SH3RF3: variants seen among roughly 807,000 people sequenced by gnomAD.
The protein encoded by SH3RF3 is E3 ubiquitin-protein ligase SH3RF3.
SH3RF3 carries 29 observed loss-of-function variants against 66.3 expected under a neutral mutation model. The ratio of observed to expected loss-of-function variants is 0.44; its 90% CI spans 0.33 to 0.60. The LOEUF is 0.60. Ranked by LOEUF, SH3RF3 falls within the 20% of genes least tolerant of loss-of-function variation. SH3RF3 has a pLI of 0.04. For synonymous variants in SH3RF3, 583 were observed against 532.0 expected (o/e 1.10, Z -1.32); for missense variants, 1,194 against 1,190.9 (o/e 1.00, Z -0.04).
rs144725898 is a variant in SH3RF3 at position 109,498,171 on chromosome 2, C to G, written c.2481-3332C>G. On this transcript the variant is annotated intron_variant, in intron 9 of 9. Transcript: ENST00000309415. ...CCCTCCTTCCTTCCCGCCTGCATGT[C>G]CCTGAGAGCAGAGTCTGGTTCGCCG... 4.5e-3 allele frequency among the ~76,000 whole-genome samples: 684 copies of G among 152,304 alleles called. 5 individuals are homozygous for G. The highest frequency in any genetic ancestry group is 0.015 in the African/African-American group (644 of 41,574).
chr2:109,290,871 T>C (rs1159239030), intron 1 of SH3RF3, among the ~76,000 whole-genome samples: 2 of 152,262 alleles, frequency 1.3e-5, no homozygotes, highest in Non-Finnish European at 2.9e-5. Flanking sequence ...ATTATTTTTA[T>C]TCTTCATGTA....
chr2:109,191,018 G>A (rs1363578970), intron 1 of SH3RF3, among the ~76,000 whole-genome samples: 1 of 151,950 alleles, frequency 6.6e-6, no homozygotes, highest in Admixed American at 6.6e-5. Context: ...TAAAGGGCCA[G>A]AGAGTAAATA....
intron 1 of SH3RF3, among the ~76,000 whole-genome samples, chr2:109,243,166 A>G (rs1206459132): frequency 6.6e-6 from 1 of 152,234 alleles, no homozygotes; most frequent in Non-Finnish European, 1.5e-5. Context: ...GGTGTCTTGT[A>G]AGGGCTGAGG....
At chr2:109,365,759 G>A (rs1411070621) in intron 2 of SH3RF3, among the ~76,000 whole-genome samples, 1 of 152,154 alleles carries the variant, frequency 6.6e-6, no homozygotes, top group Non-Finnish European at 1.5e-5. Context: ...ATGGAGAAAT[G>A]TACAATTTGC....
Position 109,283,978 on chromosome 2 carries a change from G to A in SH3RF3, c.574-63696G>A, listed in dbSNP as rs544950340. On this transcript the variant is annotated intron_variant, in intron 1 of 9. Transcript: ENST00000309415. ...CCCTCCTGTCCCCACACCTCTGCCC[G>A]TGGGTGTTTTTCCAGGAGAGCTTGC... Among the ~76,000 whole-genome samples, 14 of 152,306 alleles carry A rather than the reference G, an allele frequency of 9.2e-5. No homozygotes were observed. The South Asian group carries it at 2.5e-3, about 27-fold the overall frequency.
intron 1 of SH3RF3, among the ~76,000 whole-genome samples, chr2:109,294,983 G>A (rs909363603): frequency 1.3e-5 from 2 of 152,236 alleles, no homozygotes; most frequent in Non-Finnish European, 2.9e-5. Context: ...CAGGGCTCAT[G>A]GTAGCCAGGC....
Position 109,412,128 on chromosome 2 carries a change from C to T in SH3RF3, c.1300-7411C>T, listed in dbSNP as rs1021547075. 4.6e-5 allele frequency among the ~76,000 whole-genome samples: 7 copies of T among 152,374 alleles called. No individual in the cohort carries two copies. In the East Asian group the frequency reaches 5.8e-4, roughly 13 times the overall value. ...GCAGGGCAGTCGGTGGATGCCGGCA[C>T]AGATGGGATGGTGAGCCTTCGGCCG... On this transcript the variant is annotated intron_variant, in intron 4 of 9. Transcript: ENST00000309415.
chr2:109,129,728 G>T lies in SH3RF3; in HGVS notation c.188G>T (p.Arg63Leu), dbSNP rs1676638124. The change falls in exon 1 of 10, where the codon CGC becomes CTC. Residue 63 changes from arginine to leucine, a missense_variant. Physicochemically the swap from Arg to Leu is moderately radical, Grantham distance 102. Coordinates refer to ENST00000309415, the MANE Select transcript of SH3RF3 (RefSeq NM_001099289.3). ...CTGGAGTGCTCCGTGTGTCTGGAGC[G>T]CCTGGACACCACGGCCAAGGTGCTG... ...DLLECSVCLERLDTTAKVLPC... is the reference protein window; with the variant it reads ...DLLECSVCLELLDTTAKVLPC... The T allele has an allele frequency of 6.5e-7, 1 of 1,538,464 alleles. No homozygotes were observed. Among genetic ancestry groups the T allele is most frequent in the South Asian group, 1.2e-5 (1 of 83,214 alleles).
intron 1 of SH3RF3, among the ~76,000 whole-genome samples, chr2:109,196,577 A>G (rs960366244): frequency 1.3e-5 from 2 of 152,134 alleles, no homozygotes; most frequent in Admixed American, 1.3e-4. Flanking sequence ...GTGGCCCTAC[A>G]TCATGTGGCT....
At chr2:109,277,568 C>T (rs760331957) in intron 1 of SH3RF3, among the ~76,000 whole-genome samples, 2 of 152,188 alleles carry the variant, frequency 1.3e-5, no homozygotes, top group Admixed American at 1.3e-4. Flanking sequence ...CTGAGACTTA[C>T]GTGTACACTG....
At chr2:109,260,396 A>G (rs1045257845) in intron 1 of SH3RF3, among the ~76,000 whole-genome samples, 6 of 152,204 alleles carry the variant, frequency 3.9e-5, no homozygotes. Context: ...CCACCAAAGC[A>G]GGAGAGCAGG....
Position 109,382,290 on chromosome 2 carries a change from G to C in SH3RF3, c.945+10609G>C, listed in dbSNP as rs1675709572. ...TAGTTGCTGAAGGGACATCTGTTTT[G>C]GTCTCAGATAACACAAGTCATTGGG... On this transcript the variant is annotated intron_variant, in intron 3 of 9. Coordinates refer to ENST00000309415, the MANE Select transcript of SH3RF3 (RefSeq NM_001099289.3). 2.0e-5 allele frequency among the ~76,000 whole-genome samples: 3 copies of C among 152,130 alleles called. No homozygotes were observed. In the South Asian group the frequency reaches 6.2e-4, roughly 32 times the overall value.
chr2:109,438,572 C>G (rs1038060165), intron 7 of SH3RF3, among the ~76,000 whole-genome samples: 7 of 152,160 alleles, frequency 4.6e-5, no homozygotes, highest in African/African-American at 1.7e-4. Flanking sequence ...CTTAAATCAG[C>G]TAAGAATGAT....
intron 1 of SH3RF3, among the ~76,000 whole-genome samples, chr2:109,226,710 A>G (rs146110512): frequency 1.4e-4 from 21 of 152,236 alleles, no homozygotes; most frequent in Middle Eastern, 3.4e-3. Context: ...AAGTCTTTGC[A>G]GGATCTCCAC....
At chr2:109,402,056 C>T (rs1312862547) in intron 4 of SH3RF3, among the ~76,000 whole-genome samples, 1 of 152,216 alleles carries the variant, frequency 6.6e-6, no homozygotes, top group African/African-American at 2.4e-5. Context: ...CTGATTTAAT[C>T]GAGCTGCCGG....
At chr2:109,467,779 T>C (rs780412737) in intron 8 of SH3RF3, among the ~76,000 whole-genome samples, 1 of 152,224 alleles carries the variant, frequency 6.6e-6, no homozygotes, top group Admixed American at 6.5e-5. Context: ...TTGCCTGATC[T>C]GACCGTTCTG....
intron 1 of SH3RF3, among the ~76,000 whole-genome samples, chr2:109,197,136 G>A (rs12623119): frequency 0.13 from 19,254 of 152,240 alleles, 1,501 homozygotes; most frequent in Middle Eastern, 0.19. Flanking sequence ...TTGAACCTGT[G>A]CAGATGGCTC....
chr2:109,358,050 T>A (rs1021113086), intron 2 of SH3RF3, among the ~76,000 whole-genome samples: 7 of 152,158 alleles, frequency 4.6e-5, no homozygotes, highest in African/African-American at 1.7e-4. Context: ...TGTCTATCCA[T>A]CCCTCCCTCC....
intron 1 of SH3RF3, among the ~76,000 whole-genome samples, chr2:109,264,383 G>A (rs1283078581): frequency 6.6e-6 from 1 of 150,662 alleles, no homozygotes; most frequent in African/African-American, 2.5e-5. Context: ...CACCTCCCCA[G>A]GATCCACCTC....
Sources: gnomAD v4.1 joint callset for allele counts (sites outside exome capture counted in the v4.1 genomes callset) on GRCh38, gnomAD v4.1.1 for gene constraint, MANE v1.5 for transcripts, NCBI Gene and HGNC (gene_info 2026-07-23, HGNC 2026-07-21) for gene names.